The following TECRL variants were observed in gnomAD, a reference collection of about 807,000 sequenced individuals.
TECRL encodes the protein trans-2,3-enoyl-CoA reductase-like.
In TECRL, 63 loss-of-function variants were observed where a neutral mutation model predicts 52.8. The ratio of observed to expected loss-of-function variants is 1.19; its 90% confidence interval spans 0.97 to 1.47. TECRL has a LOEUF of 1.47. Among genes scored for constraint, TECRL ranks in the 40% most tolerant of loss-of-function variants. The pLI is 0.00. For missense variants in TECRL, 482 were observed against 429.6 expected, an observed-to-expected ratio of 1.12 and a Z score of -1.08; for synonymous variants, 164 against 141.9, an observed-to-expected ratio of 1.16 and a Z score of -1.10.
chr4:64,350,857 A>C (rs1282380771), intron 2 of TECRL, among the ~76,000 whole-genome samples: 1 of 151,618 alleles, frequency 6.6e-6, no homozygotes, highest in Non-Finnish European at 1.5e-5. Context: ...AATTTAATAA[A>C]TATGGTAATA....
chr4:64,313,877 T>C (rs1157893994), intron 5 of TECRL, among the ~76,000 whole-genome samples: 2 of 145,768 alleles, frequency 1.4e-5, no homozygotes, highest in Non-Finnish European at 3.0e-5. Context: ...CTCATGCCTG[T>C]AATCCCAGCA....
intron 1 of TECRL, among the ~76,000 whole-genome samples, chr4:64,398,330 T>G (rs1319977630): frequency 6.6e-6 from 1 of 152,192 alleles, no homozygotes; most frequent in Non-Finnish European, 1.5e-5. Context: ...TCTCCAATAC[T>G]GGAGATGTAG....
chr4:64,319,090 A>C (rs894478595), intron 4 of TECRL, among the ~76,000 whole-genome samples: 5 of 151,888 alleles, frequency 3.3e-5, no homozygotes, highest in African/African-American at 1.2e-4. Context: ...ATTAGCATTT[A>C]ATATCTCAAG....
At chr4:64,377,737 T>G (rs1297906457) in intron 1 of TECRL, among the ~76,000 whole-genome samples, 1 of 152,110 alleles carries the variant, frequency 6.6e-6, no homozygotes, top group East Asian at 1.9e-4. Context: ...ACAAAAAAGC[T>G]TTTTCGTTCA....
intron 2 of TECRL, among the ~76,000 whole-genome samples, chr4:64,372,811 G>A (rs1401655936): frequency 1.3e-5 from 2 of 151,270 alleles, no homozygotes; most frequent in Non-Finnish European, 3.0e-5. Flanking sequence ...AACAATGTCA[G>A]AAATGTCATA....
At position 64,380,716 on chromosome 4, in the gene TECRL, G is replaced by C. The variant is rs191723534; in HGVS notation, c.235-5493C>G. Reference sequence around the variant, plus strand: ...TGAAGACAATCAGTTGACTATAAATGCAAGGATTTATATCTGGGTTCTATG... The same window carrying C: ...TGAAGACAATCAGTTGACTATAAATCCAAGGATTTATATCTGGGTTCTATG... On this transcript the variant is annotated intron_variant, in intron 1 of 11. Transcript: ENST00000381210. Among the ~76,000 whole-genome samples, 21 of 152,142 alleles carry C rather than the reference G, an allele frequency of 1.4e-4. No individual in the cohort carries two copies. The East Asian group carries it at 3.5e-3, about 25-fold the overall frequency.
At chr4:64,324,543 G>C (rs2110035615) in intron 3 of TECRL, among the ~76,000 whole-genome samples, 1 of 151,766 alleles carries the variant, frequency 6.6e-6, no homozygotes, top group South Asian at 2.1e-4. Context: ...CAGAATCCAA[G>C]ATATCTGCTT....
intron 7 of TECRL, chr4:64,304,943 A>G: frequency 2.9e-6 from 1 of 340,980 alleles, no homozygotes; most frequent in Non-Finnish European, 5.3e-6. Context: ...GAGGTTTACA[A>G]CCTACTAATA....
intron 2 of TECRL, among the ~76,000 whole-genome samples, chr4:64,339,110 A>G (rs2110068724): frequency 6.6e-6 from 1 of 152,214 alleles, no homozygotes; most frequent in South Asian, 2.1e-4. Flanking sequence ...GCCATAAAAA[A>G]TGATGAGTTC....
At chr4:64,337,179 A>C (rs1174871039) in intron 2 of TECRL, among the ~76,000 whole-genome samples, 1 of 152,218 alleles carries the variant, frequency 6.6e-6, no homozygotes, top group African/African-American at 2.4e-5. Context: ...CAAAAACCAC[A>C]TGATTATCTC....
In TECRL at chr4:64,291,917, T is replaced by C. The variant is rs1358260691; in HGVS notation, c.775-2150A>G. ...GGTAAGAGTGGGGAGAAAAAACAAC[T>C]ATATCTCTATGCTTAGAGATTCTTA... On this transcript the variant is annotated intron_variant, in intron 8 of 11. Transcript: ENST00000381210. Among the ~76,000 whole-genome samples the C allele has an allele frequency of 2.0e-5, 3 of 152,000 alleles. 1 individual carries two copies. The South Asian group carries it at 6.2e-4, about 31-fold the overall frequency.
At position 64,382,300 on chromosome 4, in the gene TECRL, CATT is replaced by C. The variant is rs762540499; in HGVS notation, c.235-7080_235-7078del. Among the ~76,000 whole-genome samples the C allele has an allele frequency of 1.5e-4, 21 of 139,962 alleles. No individual in the cohort carries two copies. In the East Asian group the frequency reaches 2.4e-3, roughly 16 times the overall value. 91.8% of individuals were successfully genotyped at this position (139,962 alleles called of 152,430 possible). A position where few individuals can be genotyped will look rare whatever the true frequency, so the allele number is the denominator to read the frequency against. On this transcript the variant is annotated intron_variant, in intron 1 of 11. Coordinates refer to ENST00000381210, the MANE Select transcript of TECRL (RefSeq NM_001010874.5). ...ATATTATATTATATTATATATTATACATTATATTATATATTATATCTATATTAT... is the reference window on the plus strand; with the variant it reads ...ATATTATATTATATTATATATTATACATATTATATATTATATCTATATTAT...
intron 2 of TECRL, among the ~76,000 whole-genome samples, chr4:64,355,313 T>G (rs1391680729): frequency 1.3e-5 from 2 of 151,998 alleles, no homozygotes; most frequent in Non-Finnish European, 2.9e-5. Context: ...TGTCAGAAAA[T>G]ATGTACATTT....
intron 1 of TECRL, among the ~76,000 whole-genome samples, chr4:64,376,245 C>T (rs1209472568): frequency 6.6e-6 from 1 of 151,734 alleles, no homozygotes; most frequent in East Asian, 1.9e-4. Context: ...GTATACTGTT[C>T]AGAACTTTTT....
intron 2 of TECRL, among the ~76,000 whole-genome samples, chr4:64,333,763 G>A (rs1718822772): frequency 7.9e-6 from 1 of 127,148 alleles, no homozygotes; most frequent in African/African-American, 3.6e-5. Flanking sequence ...GCTCACGCCT[G>A]TAATCCCAGC....
At chr4:64,302,333 A>T (rs1468729029) in intron 7 of TECRL, among the ~76,000 whole-genome samples, 2 of 151,448 alleles carry the variant, frequency 1.3e-5, no homozygotes, top group African/African-American at 4.8e-5. Flanking sequence ...ATAAAAGTCA[A>T]ACACTGTTAC....
chr4:64,320,008 A>T (rs1032396034), intron 4 of TECRL, among the ~76,000 whole-genome samples: 2 of 151,910 alleles, frequency 1.3e-5, no homozygotes, highest in African/African-American at 4.8e-5. Context: ...GCAATTCTCT[A>T]TCTTGACATT....
intron 1 of TECRL, among the ~76,000 whole-genome samples, chr4:64,397,145 G>A (rs1211642349): frequency 6.6e-6 from 1 of 151,984 alleles, no homozygotes; most frequent in Admixed American, 6.6e-5. Context: ...TTGCTAATTA[G>A]TGTGTCATGC....
At chr4:64,302,472 G>GA (rs1208879887) in intron 7 of TECRL, among the ~76,000 whole-genome samples, 1 of 151,194 alleles carries the variant, frequency 6.6e-6, no homozygotes, top group Admixed American at 6.6e-5. Context: ...AGTAATGCAA[G>GA]AAAAAAATCC....
Sources: allele counts gnomAD v4.1 joint callset (sites outside exome capture counted in the v4.1 genomes callset), GRCh38; gene constraint gnomAD v4.1.1; transcripts MANE v1.5; gene names NCBI Gene and HGNC (gene_info 2026-07-23, HGNC 2026-07-21).